GSE1: variants seen among roughly 807,000 people sequenced by gnomAD.
GSE1 encodes Gse1 coiled-coil protein.
In GSE1, 32 loss-of-function variants were observed where a neutral mutation model predicts 112.6. The ratio of observed to expected loss-of-function variants is 0.28; its 90% confidence interval spans 0.21 to 0.38. The LOEUF (loss-of-function observed/expected upper bound fraction) is 0.38, where lower values mean the gene tolerates loss of function less well. GSE1 is among the 10% of genes least tolerant of loss of function. The pLI, the probability that GSE1 is intolerant of heterozygous loss-of-function variation, is 1.00. For missense variants in GSE1, 2,348 were observed against 1,699.2 expected (o/e 1.38, Z -6.71); for synonymous variants, 1,115 against 735.6 (o/e 1.52, Z -8.35).
At chr16:85,435,421 C>T (rs907980699) in intron 2 of GSE1, among the ~76,000 whole-genome samples, 1 of 152,124 alleles carries the variant, frequency 6.6e-6, no homozygotes, top group Non-Finnish European at 1.5e-5. Context: ...GAGATCGAGA[C>T]CTGCACCCTC....
chr16:85,368,034 A>T (rs896745812), intron 2 of GSE1, among the ~76,000 whole-genome samples: 2 of 151,848 alleles, frequency 1.3e-5, no homozygotes, highest in Admixed American at 6.6e-5. Flanking sequence ...TTGTATTTTT[A>T]GTAGAGACGG....
chr16:85,626,106 A>G (rs2049050182), intron 1 of GSE1, among the ~76,000 whole-genome samples: 1 of 151,812 alleles, frequency 6.6e-6, no homozygotes, highest in East Asian at 1.9e-4. Context: ...CAGTATGGGG[A>G]CCCAGGGCAG....
At chr16:85,660,704 C>T (rs944084286) in intron 8 of GSE1, among the ~76,000 whole-genome samples, 8 of 151,846 alleles carry the variant, frequency 5.3e-5, no homozygotes, top group Non-Finnish European at 1.0e-4. Context: ...GGTCTCAGCT[C>T]ACTGCAACGT....
intron 1 of GSE1, among the ~76,000 whole-genome samples, chr16:85,624,764 C>G (rs2048959476): frequency 1.3e-5 from 2 of 152,196 alleles, no homozygotes; most frequent in African/African-American, 4.8e-5. Context: ...TGGGCACCGC[C>G]AGGACCACTG....
At chr16:85,572,387 CCA>C (rs977852685) in intron 1 of GSE1, among the ~76,000 whole-genome samples, 3 of 147,190 alleles carry the variant, frequency 2.0e-5, no homozygotes, top group Middle Eastern at 3.3e-3. Context: ...CCACATACCC[CCA>C]CACACAAACA....
chr16:85,276,878 C>T (rs1339970111), intron 1 of GSE1, among the ~76,000 whole-genome samples: 5 of 152,288 alleles, frequency 3.3e-5, no homozygotes, highest in South Asian at 4.1e-4. Context: ...CTCCTGTGCA[C>T]GGTCAAGTTA....
At chr16:85,385,480 C>T (rs1567726685) in intron 2 of GSE1, among the ~76,000 whole-genome samples, 1 of 152,118 alleles carries the variant, frequency 6.6e-6, no homozygotes, top group Admixed American at 6.5e-5. Flanking sequence ...CCACCACTAC[C>T]CGTGGCAGAC....
chr16:85,467,155 T>C (rs2050146834), intron 2 of GSE1, among the ~76,000 whole-genome samples: 1 of 152,190 alleles, frequency 6.6e-6, no homozygotes, highest in Admixed American at 6.5e-5. Context: ...AGACCTCTGC[T>C]GGATGGTGTG....
At chr16:85,663,727 G>C (rs2052616819) in intron 11 of GSE1, 113 bp downstream of exon 11, 6 of 1,108,988 alleles carry the variant, frequency 5.4e-6, no homozygotes, top group Admixed American at 2.2e-5. Context: ...CTGAGCCTGA[G>C]GCTGCCCCTT....
intron 2 of GSE1, among the ~76,000 whole-genome samples, chr16:85,473,058 A>G (rs748580340): frequency 6.6e-6 from 1 of 152,260 alleles, no homozygotes; most frequent in African/African-American, 2.4e-5. Context: ...CCAAGATGCC[A>G]GGAGCAGGGC....
Position 85,292,333 on chromosome 16 carries a change from T to TG in GSE1, c.2284-65130_2284-65129insG, listed in dbSNP as rs199979816. Among the ~76,000 whole-genome samples, 425 of 149,900 alleles carry TG rather than the reference T, an allele frequency of 2.8e-3. 2 individuals are homozygous for TG. The highest frequency in any genetic ancestry group is 3.6e-3 in the Non-Finnish European group (241 of 67,400). ...TTTGTTGTTTTTTTGTTTTTGTTTT[T>TG]TTTTTTTGTTTTCTGAGACAGAGTC... On this transcript the variant is annotated intron_variant, in intron 1 of 2. Transcript: ENST00000637419.
intron 1 of GSE1, among the ~76,000 whole-genome samples, chr16:85,627,676 C>G (rs563538936): frequency 2.0e-5 from 3 of 152,288 alleles, no homozygotes; most frequent in African/African-American, 4.8e-5. Flanking sequence ...CCCCCGGCCC[C>G]CCGGCCCCCC....
rs1006838381 is a variant in GSE1 at position 85,303,581 on chromosome 16, C to G, written c.2284-53882C>G. 4.4e-4 allele frequency among the ~76,000 whole-genome samples: 67 copies of G among 152,230 alleles called. 2 individuals are homozygous for G. The highest frequency in any genetic ancestry group is 1.0e-4 in the Non-Finnish European group (7 of 68,050). ...GAGGGTGGCAGGTTCTATTGTGACT[C>G]CCATTTTGTTGACAGGAAGACTGAG... is the stretch of plus-strand genomic sequence containing the variant. On this transcript the variant is annotated intron_variant, in intron 1 of 2. Transcript: ENST00000637419.
rs534520036 is a variant in GSE1 at position 85,536,061 on chromosome 16, C to G, written c.2465-97853C>G. Among the ~76,000 whole-genome samples, 5 of 152,302 alleles carry G rather than the reference C, an allele frequency of 3.3e-5. No homozygotes were observed. In the South Asian group the frequency reaches 6.2e-4, roughly 19 times the overall value. ...AAGAGGGGACAGTAGCAAAGCAGACCCAGAAGGCCACGAGAAAGAGATTCA... is the reference window on the plus strand; with the variant it reads ...AAGAGGGGACAGTAGCAAAGCAGACGCAGAAGGCCACGAGAAAGAGATTCA... On this transcript the variant is annotated intron_variant, in intron 2 of 2. Coordinates refer to the GSE1 transcript ENST00000637419.
chr16:85,281,627 G>A (rs1178879865), intron 1 of GSE1, among the ~76,000 whole-genome samples: 1 of 152,164 alleles, frequency 6.6e-6, no homozygotes, highest in African/African-American at 2.4e-5. Context: ...GCTCCAGAAA[G>A]AGAAAACCCT....
intron 1 of GSE1, among the ~76,000 whole-genome samples, chr16:85,251,852 C>G (rs1458879723): frequency 2.0e-4 from 30 of 152,308 alleles, no homozygotes; most frequent in South Asian, 1.7e-3. Flanking sequence ...GCTGGGTGTG[C>G]GGAACCCCTA....
At chr16:85,454,760 G>A (rs2049778795) in intron 2 of GSE1, among the ~76,000 whole-genome samples, 1 of 152,058 alleles carries the variant, frequency 6.6e-6, no homozygotes, top group Non-Finnish European at 1.5e-5. Flanking sequence ...GTCACTCCAG[G>A]CTCTGCCTCC....
intron 2 of GSE1, among the ~76,000 whole-genome samples, chr16:85,378,273 C>T (rs1396924285): frequency 6.6e-6 from 1 of 152,186 alleles, no homozygotes; most frequent in Non-Finnish European, 1.5e-5. Context: ...CAGCCCCTCC[C>T]TCAGCTGGGT....
intron 1 of GSE1, among the ~76,000 whole-genome samples, chr16:85,328,024 C>T (rs2046261394): frequency 6.6e-6 from 1 of 152,258 alleles, no homozygotes; most frequent in Admixed American, 6.5e-5. Flanking sequence ...AGTGGACCCC[C>T]AGGTCATGTC....
Sources: gnomAD v4.1 joint callset for allele counts (sites outside exome capture counted in the v4.1 genomes callset) on GRCh38, gnomAD v4.1.1 for gene constraint, MANE v1.5 for transcripts, NCBI Gene and HGNC (gene_info 2026-07-23, HGNC 2026-07-21) for gene names.